The following BTD variants were observed in gnomAD, a reference collection of about 807,000 sequenced individuals.
BTD encodes the protein biocytinase.
A neutral mutation model predicts 17.7 loss-of-function variants in BTD; 13 were observed. That is an observed-to-expected ratio of 0.74 (90% CI 0.48 to 1.17). The LOEUF is 1.17. Among genes scored for constraint, BTD ranks in the 50% most tolerant of loss-of-function variants. The pLI, the probability that BTD is intolerant of heterozygous loss-of-function variation, is 0.00. For synonymous variants in BTD, 240 were observed against 245.2 expected (o/e 0.98, Z 0.20); for missense variants, 674 against 650.4 (o/e 1.04, Z -0.39).
At chr3:15,602,247 G>C in intron 1 of BTD, 1 of 1,289,296 alleles carries the variant, frequency 7.8e-7, no homozygotes, top group Non-Finnish European at 9.9e-7. Context: ...CTGAGATCCT[G>C]AATCCTGTTT....
chr3:15,645,729 A>G lies in BTD; in HGVS notation c.*241A>G. On this transcript the variant is annotated 3_prime_UTR_variant, in exon 4 of 4. Transcript: ENST00000643237. The stretch of plus-strand genomic sequence containing the variant: ...TTTTCTGTTCACATTTATCTTTTTC[A>G]AGCCACATCTTCCTCTAACAAATCT... 1 of 506,654 alleles carries G rather than the reference A, an allele frequency of 2.0e-6. No individual in the cohort carries two copies. The highest frequency in any genetic ancestry group is 3.5e-6 in the Non-Finnish European group (1 of 285,790). 31.4% of individuals were successfully genotyped at this position (506,654 alleles called of 1,614,324 possible).
chr3:15,619,560 G>A (rs1347405362), intron 1 of BTD, among the ~76,000 whole-genome samples: 1 of 152,154 alleles, frequency 6.6e-6, no homozygotes, highest in Non-Finnish European at 1.5e-5. Context: ...GATTCAATTT[G>A]CTAATATTTG....
intron 3 of BTD, among the ~76,000 whole-genome samples, chr3:15,704,268 T>C (rs533074393): frequency 6.6e-6 from 1 of 151,890 alleles, no homozygotes; most frequent in African/African-American, 2.4e-5. Context: ...ATCAGGACAA[T>C]GGGGGTAACA....
At chr3:15,679,918 A>G (rs2067356266) in intron 3 of BTD, among the ~76,000 whole-genome samples, 1 of 152,156 alleles carries the variant, frequency 6.6e-6, no homozygotes, top group African/African-American at 2.4e-5. Context: ...TATTTACATA[A>G]CATTTACATT....
intron 1 of BTD, among the ~76,000 whole-genome samples, chr3:15,631,124 T>C (rs2065193831): frequency 6.6e-6 from 1 of 152,240 alleles, no homozygotes; most frequent in African/African-American, 2.4e-5. Flanking sequence ...TTAAAGACTG[T>C]TGGAACTTCC....
At chr3:15,630,845 G>A (rs2065186963) in intron 1 of BTD, among the ~76,000 whole-genome samples, 1 of 152,128 alleles carries the variant, frequency 6.6e-6, no homozygotes, top group South Asian at 2.1e-4. Flanking sequence ...AAACGTCTTG[G>A]TAGTGGGTGG....
rs2072393113 is a variant in BTD at position 15,712,213 on chromosome 3, T to A, written c.*2139T>A. 2.5e-6 allele frequency: 4 copies of A among 1,579,812 alleles called. No homozygotes were observed. In the African/African-American group the frequency reaches 5.4e-5, roughly 21 times the overall value. ...CCAAATGGAGGGGGAACATTCCATGTATGCCACGCCTAAAGTTAATAGAAC... is the reference window on the plus strand; with the variant it reads ...CCAAATGGAGGGGGAACATTCCATGAATGCCACGCCTAAAGTTAATAGAAC... On this transcript the variant is annotated 3_prime_UTR_variant, in exon 4 of 4. Coordinates refer to the BTD transcript ENST00000672141.
At chr3:15,656,148 G>A (rs1575039203), downstream of BTD, among the ~76,000 whole-genome samples, 1 of 152,166 alleles carries the variant, frequency 6.6e-6, no homozygotes, top group Non-Finnish European at 1.5e-5. Context: ...ATTTCTCTGA[G>A]TTTCTCTTTA....
chr3:15,669,443 G>T (rs1006415814), intron 3 of BTD: 2 of 152,032 alleles, frequency 1.3e-5, no homozygotes, highest in African/African-American at 4.8e-5. Context: ...AACAAAAATA[G>T]TACTATTTTA....
intron 1 of BTD, among the ~76,000 whole-genome samples, chr3:15,609,353 G>T (rs2064549976): frequency 6.6e-6 from 1 of 152,048 alleles, no homozygotes; most frequent in Non-Finnish European, 1.5e-5. Flanking sequence ...CTTGAATTTG[G>T]TGTTTGTAGT....
At chr3:15,674,196 A>AAAAAAGAAG (rs1470515364) in intron 3 of BTD, among the ~76,000 whole-genome samples, 17 of 130,152 alleles carry the variant, frequency 1.3e-4, no homozygotes, top group African/African-American at 5.2e-4. Flanking sequence ...AAAAAAAAAA[A>AAAAAAGAAG]AAGAAGAAGA....
chr3:15,643,064 G>T (rs2065578806), intron 3 of BTD, among the ~76,000 whole-genome samples: 1 of 150,886 alleles, frequency 6.6e-6, no homozygotes, highest in African/African-American at 2.4e-5. Flanking sequence ...ATAAAGAAAT[G>T]GAATCCCTCA....
chr3:15,629,926 A>C (rs1380215370), intron 1 of BTD: 7 of 461,500 alleles, frequency 1.5e-5, no homozygotes, highest in Non-Finnish European at 2.0e-5. Context: ...TAAAAAAATA[A>C]TAATAATGGA....
chr3:15,700,338 C>CTA (rs961444727), intron 3 of BTD, among the ~76,000 whole-genome samples: 7 of 151,836 alleles, frequency 4.6e-5, no homozygotes, highest in African/African-American at 1.7e-4. Context: ...GGATAAATAC[C>CTA]TAATGTAAAT....
At chr3:15,699,821 G>A (rs2070291649) in intron 3 of BTD, among the ~76,000 whole-genome samples, 2 of 152,348 alleles carry the variant, frequency 1.3e-5, no homozygotes, top group South Asian at 4.1e-4. Flanking sequence ...GTGGAAGACA[G>A]TGTGGTGATT....
chr3:15,609,534 A>G (rs992206954), intron 1 of BTD, among the ~76,000 whole-genome samples: 2 of 152,200 alleles, frequency 1.3e-5, no homozygotes, highest in Admixed American at 1.3e-4. Context: ...TATTGTACCA[A>G]TTTATACTCC....
At chr3:15,672,853 G>GC (rs1559305162) in intron 3 of BTD, among the ~76,000 whole-genome samples, 1 of 152,214 alleles carries the variant, frequency 6.6e-6, no homozygotes, top group Non-Finnish European at 1.5e-5. Context: ...TCGGCTCACT[G>GC]CAACTTCTGC....
At chr3:15,605,881 T>C (rs2064434863) in intron 1 of BTD, among the ~76,000 whole-genome samples, 2 of 151,764 alleles carry the variant, frequency 1.3e-5, no homozygotes, top group African/African-American at 4.8e-5. Flanking sequence ...CCATCTCTGC[T>C]AAAATACAAA....
At chr3:15,602,225 TC>T (rs768712006) in intron 1 of BTD, 3 of 1,335,328 alleles carry the variant, frequency 2.2e-6, no homozygotes, top group South Asian at 1.8e-5. Flanking sequence ...AGTCAGTAGA[TC>T]CAGACCGTGC....
Sources: allele counts gnomAD v4.1 joint callset (sites outside exome capture counted in the v4.1 genomes callset), GRCh38; gene constraint gnomAD v4.1.1; transcripts MANE v1.5; gene names NCBI Gene and HGNC (gene_info 2026-07-23, HGNC 2026-07-21).